TRIM69: variants seen among roughly 807,000 people sequenced by gnomAD.
TRIM69 encodes the protein tripartite motif containing 69, also known as E3 ubiquitin-protein ligase TRIM69.
A neutral mutation model predicts 37.7 loss-of-function variants in TRIM69; 29 were observed. That is an observed-to-expected ratio of 0.77 (90% CI 0.57 to 1.05). TRIM69 has a LOEUF of 1.05. Ranked by LOEUF, TRIM69 falls within the 50% of genes least tolerant of loss-of-function variation. The pLI is 0.00. For synonymous variants in TRIM69, 209 were observed against 212.4 expected (o/e 0.98, Z 0.14); for missense variants, 596 against 579.9 (o/e 1.03, Z -0.28).
intron 6 of TRIM69, 38 bp from the exon 7 acceptor site, chr15:44,767,193 T>A: frequency 6.4e-7 from 1 of 1,565,330 alleles, no homozygotes; most frequent in Non-Finnish European, 8.7e-7. Flanking sequence ...TTTACCCCCC[T>A]TTCTCCCATG....
chr15:44,748,628 C>T (rs2087456762), intron 1 of TRIM69, among the ~76,000 whole-genome samples: 1 of 151,670 alleles, frequency 6.6e-6, no homozygotes, highest in Non-Finnish European at 1.5e-5. Flanking sequence ...AGTTCGAGAC[C>T]AGCCTGGCCA....
intron 1 of TRIM69, among the ~76,000 whole-genome samples, chr15:44,745,249 T>C (rs1200822280): frequency 2.0e-5 from 3 of 152,100 alleles, no homozygotes; most frequent in Non-Finnish European, 4.4e-5. Context: ...GTTGTTTGAT[T>C]TGGGTTGATT....
chr15:44,737,186 C>G (rs1302693114), intron 1 of TRIM69, among the ~76,000 whole-genome samples: 2 of 152,104 alleles, frequency 1.3e-5, no homozygotes, highest in Non-Finnish European at 2.9e-5. Context: ...TCCTGATTGT[C>G]AAACAAAAGA....
At chr15:44,766,173 T>C in intron 6 of TRIM69, among the ~76,000 whole-genome samples, 1 of 152,218 alleles carries the variant, frequency 6.6e-6, no homozygotes, top group East Asian at 1.9e-4. Context: ...AAGCAAAGAT[T>C]ACAAAGTACA....
intron 6 of TRIM69, among the ~76,000 whole-genome samples, chr15:44,763,088 TC>T (rs1277496593): frequency 1.3e-5 from 2 of 152,192 alleles, no homozygotes; most frequent in Non-Finnish European, 2.9e-5. Flanking sequence ...AATCCATAGT[TC>T]CTTTAGATTT....
intron 6 of TRIM69, among the ~76,000 whole-genome samples, chr15:44,761,063 G>A (rs1409879446): frequency 1.3e-5 from 2 of 151,786 alleles, no homozygotes; most frequent in Non-Finnish European, 2.9e-5. Flanking sequence ...GACTACAGGC[G>A]CCTGCCACCA....
chr15:44,762,811 T>C (rs371243074), intron 6 of TRIM69, among the ~76,000 whole-genome samples: 1 of 152,194 alleles, frequency 6.6e-6, no homozygotes, highest in South Asian at 2.1e-4. Flanking sequence ...GCTAATTCTA[T>C]CATCATTGTC....
intron 4 of TRIM69, 66 bp downstream of exon 4, chr15:44,758,920 G>T: frequency 6.5e-7 from 1 of 1,530,394 alleles, no homozygotes; most frequent in Non-Finnish European, 8.8e-7. Context: ...GGTTTGGAAA[G>T]AATGCGGAAG....
At position 44,767,341 on chromosome 15, in the gene TRIM69, C is replaced by T. The variant is rs372919928; in HGVS notation, c.1072C>T (p.Pro358Ser). Residue 358 changes from proline to serine, a missense_variant, in exon 7 of 7, where the codon CCT becomes TCT. Transcript: ENST00000329464. ...GDIKKIMPDDPERFDSSVAVL... is the reference protein window; with the variant it reads ...GDIKKIMPDDSERFDSSVAVL... Reference sequence around the variant, plus strand: ...CATTAAGAAGATAATGCCTGATGATCCTGAGAGGTTTGACTCAAGTGTGGC... The same window carrying T: ...CATTAAGAAGATAATGCCTGATGATTCTGAGAGGTTTGACTCAAGTGTGGC... The T allele has an allele frequency of 6.2e-7, 1 of 1,613,936 alleles. No individual in the cohort carries two copies. The highest frequency in any genetic ancestry group is 8.5e-7 in the Non-Finnish European group (1 of 1,180,032).
intron 6 of TRIM69, among the ~76,000 whole-genome samples, chr15:44,762,784 T>C (rs998512058): frequency 4.6e-5 from 7 of 152,194 alleles, no homozygotes; most frequent in Non-Finnish European, 8.8e-5. Flanking sequence ...CATTTATCCA[T>C]TTTAATATCC....
chr15:44,741,135 T>C (rs971191336), intron 1 of TRIM69, among the ~76,000 whole-genome samples: 27 of 151,866 alleles, frequency 1.8e-4, no homozygotes, highest in Admixed American at 1.7e-3. Flanking sequence ...CACAGTGCAA[T>C]CAAACTAGAA....
intron 1 of TRIM69, among the ~76,000 whole-genome samples, chr15:44,744,653 GT>G (rs1311543430): frequency 1.3e-5 from 2 of 151,908 alleles, no homozygotes; most frequent in Non-Finnish European, 2.9e-5. Context: ...ACTTACTCAG[GT>G]TTTCCTCATT....
chr15:44,755,427 A>G, intron 2 of TRIM69, 51 bp downstream of exon 2: 2 of 1,318,568 alleles, frequency 1.5e-6, no homozygotes, highest in Admixed American at 1.9e-5. Flanking sequence ...TAGGAAAAAT[A>G]TTTCATAGGG....
intron 3 of TRIM69, 196 bp from the exon 4 acceptor site, chr15:44,758,425 C>A: frequency 1.2e-6 from 1 of 814,822 alleles, no homozygotes; most frequent in Non-Finnish European, 1.9e-6. Flanking sequence ...TCATCCTGAA[C>A]TATTAAATTA....
intron 1 of TRIM69, among the ~76,000 whole-genome samples, chr15:44,739,425 G>A (rs1180425842): frequency 6.6e-6 from 1 of 152,244 alleles, no homozygotes; most frequent in Non-Finnish European, 1.5e-5. Flanking sequence ...GCAGGGCGAG[G>A]CATTGCCTCA....
At chr15:44,739,117 A>C (rs963691588) in intron 1 of TRIM69, among the ~76,000 whole-genome samples, 2 of 152,182 alleles carry the variant, frequency 1.3e-5, no homozygotes, top group Non-Finnish European at 2.9e-5. Context: ...ACCACTATCT[A>C]ATTCCAGAAC....
chr15:44,762,797 G>T (rs954994794), intron 6 of TRIM69, among the ~76,000 whole-genome samples: 1 of 151,646 alleles, frequency 6.6e-6, no homozygotes, highest in African/African-American at 2.4e-5. Flanking sequence ...TAATATCCTT[G>T]TCTGCTAATT....
In TRIM69 at chr15:44,750,715, C is replaced by CTTTTTTTTTTTTTTTTT. The variant is rs869059418; in HGVS notation, c.7-4174_7-4158dup. 1.2e-4 allele frequency among the ~76,000 whole-genome samples: 12 copies of CTTTTTTTTTTTTTTTTT among 102,838 alleles called. 6 individuals carry two copies. Among genetic ancestry groups the CTTTTTTTTTTTTTTTTT allele is most frequent in the Non-Finnish European group, 1.8e-4 (10 of 54,342 alleles). The allele number at this position is 102,838 out of a possible 152,430, so 67.5% of individuals were successfully genotyped here. ...TCGCATTTTTATTTCATTACTTTTT[C>CTTTTTTTTTTTTTTTTT]TTTTTTTTTTTTTTTTTTTTTTTTT... On this transcript the variant is annotated intron_variant, in intron 1 of 6. Coordinates refer to ENST00000329464, the MANE Select transcript of TRIM69 (RefSeq NM_182985.5).
intron 1 of TRIM69, 30 bp from the exon 2 acceptor site, chr15:44,754,870 T>A: frequency 4.0e-6 from 6 of 1,514,980 alleles, no homozygotes; most frequent in Non-Finnish European, 5.4e-6. Flanking sequence ...ACAAGAAAGA[T>A]AAACTCATTT....
Sources: gnomAD v4.1 joint callset for allele counts (sites outside exome capture counted in the v4.1 genomes callset) on GRCh38, gnomAD v4.1.1 for gene constraint, MANE v1.5 for transcripts, NCBI Gene and HGNC (gene_info 2026-07-23, HGNC 2026-07-21) for gene names.